Variants in RNF144A observed in about 807,000 individuals in gnomAD.
RNF144A encodes the protein ring finger protein 144A.
A neutral mutation model predicts 38.7 loss-of-function variants in RNF144A; 11 were observed. That is an observed-to-expected ratio of 0.28 (90% CI 0.18 to 0.47). The LOEUF (loss-of-function observed/expected upper bound fraction) is 0.47, where lower values mean the gene tolerates loss of function less well. RNF144A is among the 20% of genes least tolerant of loss of function. The pLI is 0.99. For synonymous variants in RNF144A, 149 were observed against 143.9 expected (o/e 1.04, Z -0.25); for missense variants, 316 against 377.2 (o/e 0.84, Z 1.34).
At chr2:6,951,528 G>C (rs1007365727) in intron 2 of RNF144A, among the ~76,000 whole-genome samples, 21 of 152,282 alleles carry the variant, frequency 1.4e-4, no homozygotes, top group Admixed American at 7.2e-4. Context: ...TGCTTGGATT[G>C]CATTAACTCT....
At chr2:7,053,435 G>T (rs1037878464) in intron 6 of RNF144A, among the ~76,000 whole-genome samples, 2 of 152,216 alleles carry the variant, frequency 1.3e-5, no homozygotes, top group African/African-American at 4.8e-5. Context: ...AAAGATGTCA[G>T]CTGGGCTGTG....
rs972362635 is a variant in RNF144A at position 6,943,617 on chromosome 2, G to C, written c.-12+2470G>C. ...TGGAGGGCTGCTGAAAACACTTCTT[G>C]AGTAGGAGAGAGAGATGGGTTTGTG... On this transcript the variant is annotated intron_variant, in intron 2 of 8. Transcript: ENST00000320892. The surrounding 1 kb of genome is among the most constrained non-coding windows in gnomAD (Gnocchi z 4.3). Among the ~76,000 whole-genome samples the C allele has an allele frequency of 6.6e-6, 1 of 152,174 alleles. No individual in the cohort carries two copies. The highest frequency in any genetic ancestry group is 1.9e-4 in the East Asian group (1 of 5,186).
intron 1 of RNF144A, chr2:6,918,790 A>AAAAAAAAAAAT (rs1664335428): frequency 1.4e-5 from 2 of 143,486 alleles, no homozygotes; most frequent in Non-Finnish European, 3.0e-5. Flanking sequence ...AAAAAAAAAA[A>AAAAAAAAAAAT]TCCATTGAAC....
intron 2 of RNF144A, among the ~76,000 whole-genome samples, chr2:6,975,361 A>G (rs1668247896): frequency 6.6e-6 from 1 of 152,190 alleles, no homozygotes; most frequent in Admixed American, 6.5e-5. Flanking sequence ...TATGGGAGCT[A>G]CAAGATGAGA....
In RNF144A at chr2:7,026,149, T is replaced by C. The variant is rs148122111; in HGVS notation, c.657+1633T>C. 2.2e-4 allele frequency among the ~76,000 whole-genome samples: 33 copies of C among 152,360 alleles called. No individual in the cohort carries two copies. In the East Asian group the frequency reaches 5.8e-3, roughly 27 times the overall value. The stretch of plus-strand genomic sequence containing the variant: ...GAAGAAAATGAGTGTCTCTTTGAGA[T>C]GGACTATTACATATGGTAACGGTCT... On this transcript the variant is annotated intron_variant, in intron 7 of 8. Transcript: ENST00000320892.
At chr2:6,921,916 C>T (rs922755908) in intron 1 of RNF144A, among the ~76,000 whole-genome samples, 1 of 152,160 alleles carries the variant, frequency 6.6e-6, no homozygotes, top group African/African-American at 2.4e-5. Flanking sequence ...CACACAGGGC[C>T]GAGCTCCCCA....
At chr2:7,027,913 A>T (rs948531125) in intron 7 of RNF144A, among the ~76,000 whole-genome samples, 14 of 143,552 alleles carry the variant, frequency 9.8e-5, no homozygotes, top group Non-Finnish European at 1.3e-4. Flanking sequence ...AATTTTGTAC[A>T]TGAAATCTGG....
intron 2 of RNF144A, chr2:6,996,693 G>T: frequency 2.0e-6 from 1 of 501,830 alleles, no homozygotes; most frequent in Non-Finnish European, 3.6e-6. Flanking sequence ...GGCGGAGGTT[G>T]CAGTGAGCTA....
At position 7,040,190 on chromosome 2, in the gene RNF144A, A is replaced by G; in HGVS notation, c.*430A>G. ...CTGATTATTCCAGCTTGAGAGAAGC[A>G]CTCTGTTTATGACAACTGTTTTTAT... On this transcript the variant is annotated 3_prime_UTR_variant, in exon 9 of 9. Transcript: ENST00000320892. The G allele has an allele frequency of 2.0e-6, 2 of 989,416 alleles. No individual in the cohort carries two copies. Among genetic ancestry groups the G allele is most frequent in the Non-Finnish European group, 2.4e-6 (2 of 832,802 alleles). 61.3% of individuals were successfully genotyped at this position (989,416 alleles called of 1,614,324 possible).
intron 2 of RNF144A, among the ~76,000 whole-genome samples, chr2:6,976,508 G>A (rs926576784): frequency 4.6e-5 from 7 of 150,640 alleles, no homozygotes; most frequent in Admixed American, 6.6e-5. Context: ...AATGTTTTTC[G>A]TTTTGTTATT....
intron 1 of RNF144A, among the ~76,000 whole-genome samples, chr2:6,924,678 C>T (rs1339720992): frequency 6.6e-6 from 1 of 152,240 alleles, no homozygotes; most frequent in Admixed American, 6.5e-5. Flanking sequence ...AGGATGCTTT[C>T]GCCAGTGCCT....
chr2:6,958,175 A>G lies in RNF144A; in HGVS notation c.-12+17028A>G, dbSNP rs1667126427. ...CACCGGGCGTGCTGTCTCTTCCTGG[A>G]AGGTGGAACTTGATCACCACTCTGC... is the stretch of plus-strand genomic sequence containing the variant. On this transcript the variant is annotated intron_variant, in intron 2 of 8. Coordinates refer to ENST00000320892, the MANE Select transcript of RNF144A (RefSeq NM_014746.6). The surrounding 1 kb of genome is among the most constrained non-coding windows in gnomAD (Gnocchi z 4.5). Among the ~76,000 whole-genome samples, 2 of 152,188 alleles carry G rather than the reference A, an allele frequency of 1.3e-5. No individual in the cohort carries two copies. The highest frequency in any genetic ancestry group is 2.9e-5 in the Non-Finnish European group (2 of 68,030).
At chr2:6,928,319 A>G (rs1220203719) in intron 1 of RNF144A, among the ~76,000 whole-genome samples, 1 of 152,198 alleles carries the variant, frequency 6.6e-6, no homozygotes, top group Non-Finnish European at 1.5e-5. Context: ...CATCAAGTTC[A>G]TTGCCGCAGG....
intron 7 of RNF144A, among the ~76,000 whole-genome samples, chr2:7,026,884 T>C (rs1032173707): frequency 6.6e-6 from 1 of 152,206 alleles, no homozygotes; most frequent in African/African-American, 2.4e-5. Flanking sequence ...ATCAGAGACA[T>C]CATCCTCATG....
chr2:7,046,096 T>G (rs1673297887), downstream of RNF144A, among the ~76,000 whole-genome samples: 1 of 152,204 alleles, frequency 6.6e-6, no homozygotes, highest in South Asian at 2.1e-4. Context: ...TGATAGCATG[T>G]GCTTATCTAG....
At chr2:7,032,592 T>G (rs1392070968) in intron 8 of RNF144A, among the ~76,000 whole-genome samples, 3 of 152,242 alleles carry the variant, frequency 2.0e-5, no homozygotes, top group Non-Finnish European at 4.4e-5. Flanking sequence ...CCTGGACAGA[T>G]CGATGCGTCA....
At chr2:7,046,756 G>C (rs978728937), downstream of RNF144A, among the ~76,000 whole-genome samples, 2 of 152,148 alleles carry the variant, frequency 1.3e-5, no homozygotes, top group African/African-American at 4.8e-5. Flanking sequence ...ACAGCCTGTG[G>C]TTAATGCAAA....
downstream of RNF144A, among the ~76,000 whole-genome samples, chr2:7,068,815 C>A (rs943652701): frequency 1.3e-5 from 2 of 152,182 alleles, no homozygotes; most frequent in South Asian, 2.1e-4. Context: ...ATGGCCATTA[C>A]GAGTCTAGGA....
chr2:7,052,711 GTT>G (rs1279064937), intron 6 of RNF144A, among the ~76,000 whole-genome samples: 4 of 152,126 alleles, frequency 2.6e-5, no homozygotes, highest in African/African-American at 9.7e-5. Flanking sequence ...CTGAGAGCAT[GTT>G]TTAGGTTTCT....
Sources: gnomAD v4.1 joint callset for allele counts (sites outside exome capture counted in the v4.1 genomes callset) on GRCh38, gnomAD v4.1.1 for gene constraint, Gnocchi (gnomAD v3.1) non-coding constraint, MANE v1.5 for transcripts, NCBI Gene and HGNC (gene_info 2026-07-23, HGNC 2026-07-21) for gene names.